The following FAM210A variants were observed in gnomAD, a reference collection of about 807,000 sequenced individuals.
FAM210A encodes family with sequence similarity 210 member A.
A neutral mutation model predicts 25.3 loss-of-function variants in FAM210A; 13 were observed. The observed-to-expected ratio is 0.51, with a 90% CI of 0.33 to 0.82. FAM210A has a LOEUF of 0.82. FAM210A is among the 40% of genes least tolerant of loss of function. The pLI is 0.02. For missense variants in FAM210A, 319 were observed against 323.2 expected, an observed-to-expected ratio of 0.99 and a Z score of 0.10; for synonymous variants, 125 against 118.7, an observed-to-expected ratio of 1.05 and a Z score of -0.35.
rs1420169459 is a variant in FAM210A, at chr18:13,664,400, A to G, written c.*2080T>C. 8 of 152,274 alleles carry G rather than the reference A, an allele frequency of 5.3e-5. No homozygotes were observed. The highest frequency in any genetic ancestry group is 1.3e-4 in the Admixed American group (2 of 15,290). The allele number at this position is 152,274 out of a possible 1,614,324, so 9.4% of individuals were successfully genotyped here. On this transcript the variant is annotated 3_prime_UTR_variant, in exon 4 of 4. Transcript: ENST00000651643. ...GGAAATTGTTTTAGAAAAATTCCAT[A>G]TAACACAAGATTTTCACATAGTCTC...
chr18:13,681,902 G>A lies in FAM210A; in HGVS notation c.176C>T (p.Ser59Phe). ...QGPQKQWLHLSAAQCVAKERR... is the reference protein window; with the variant it reads ...QGPQKQWLHLFAAQCVAKERR... The stretch of plus-strand genomic sequence containing the variant: ...TTCCTTTGCAACACACTGGGCAGCA[G>A]ATAAATGCAACCATTGTTTTTGAGG... Residue 59 changes from serine (S) to phenylalanine (F), a missense_variant, in exon 2 of 4, where the codon TCT (serine) becomes TTT (phenylalanine). Transcript: ENST00000651643. 1 of 1,614,180 alleles carries A rather than the reference G, an allele frequency of 6.2e-7. No homozygotes were observed. The highest frequency in any genetic ancestry group is 8.5e-7 in the Non-Finnish European group (1 of 1,180,044).
Position 13,665,988 on chromosome 18 carries a change from T to C in FAM210A, c.*492A>G, listed in dbSNP as rs1343563709. 1 of 156,082 alleles carries C rather than the reference T, an allele frequency of 6.4e-6. No individual in the cohort carries two copies. Among genetic ancestry groups the C allele is most frequent in the Admixed American group, 6.2e-5 (1 of 16,168 alleles). The allele number at this position is 156,082 out of a possible 1,614,324, so 9.7% of individuals were successfully genotyped here. A position where few individuals can be genotyped will look rare whatever the true frequency, so the allele number is the denominator to read the frequency against. Reference sequence around the variant, plus strand: ...AGGTAACTGCTCTATTCTGTTTTTATAGAAAGACTAAACACCTTATTTACA... The same window carrying C: ...AGGTAACTGCTCTATTCTGTTTTTACAGAAAGACTAAACACCTTATTTACA... On this transcript the variant is annotated 3_prime_UTR_variant, in exon 4 of 4. Transcript: ENST00000651643.
intron 3 of FAM210A, chr18:13,670,864 C>T: frequency 6.6e-6 from 1 of 152,594 alleles, no homozygotes; most frequent in East Asian, 1.9e-4. Context: ...GGCATGGTGG[C>T]ACATGCCTGT....
chr18:13,681,525 CT>C (rs1290013114), intron 2 of FAM210A, 79 bp downstream of exon 2: 2 of 1,137,330 alleles, frequency 1.8e-6, no homozygotes, highest in African/African-American at 3.2e-5. Context: ...ATTTAAAAAT[CT>C]AAAGCTATCA....
intron 1 of FAM210A, among the ~76,000 whole-genome samples, chr18:13,707,232 G>A (rs1289974557): frequency 6.6e-6 from 1 of 152,210 alleles, no homozygotes; most frequent in African/African-American, 2.4e-5. Context: ...TCACCTAAGT[G>A]AGAACCAGAA....
chr18:13,718,757 T>C (rs906021277), intron 1 of FAM210A, among the ~76,000 whole-genome samples: 3 of 152,222 alleles, frequency 2.0e-5, no homozygotes, highest in African/African-American at 7.2e-5. Context: ...AGGACTATGT[T>C]TGTTAAACCA....
intron 1 of FAM210A, among the ~76,000 whole-genome samples, chr18:13,723,639 A>C (rs1300899340): frequency 6.6e-6 from 1 of 152,234 alleles, no homozygotes; most frequent in Non-Finnish European, 1.5e-5. Context: ...CCTTTAGTTT[A>C]GGTCAACTGA....
At chr18:13,683,604 T>C (rs1306253375) in intron 1 of FAM210A, among the ~76,000 whole-genome samples, 2 of 148,324 alleles carry the variant, frequency 1.3e-5, no homozygotes, top group Admixed American at 6.8e-5. Context: ...GACTTCCAGA[T>C]AATTACTTAG....
At chr18:13,722,523 C>A (rs1205899490) in intron 1 of FAM210A, among the ~76,000 whole-genome samples, 3 of 152,072 alleles carry the variant, frequency 2.0e-5, no homozygotes, top group Admixed American at 6.5e-5. Flanking sequence ...CTTCTACTGG[C>A]AAAAAAGAGT....
chr18:13,689,973 G>T (rs2043629251), intron 1 of FAM210A, among the ~76,000 whole-genome samples: 1 of 152,204 alleles, frequency 6.6e-6, no homozygotes, highest in South Asian at 2.1e-4. Flanking sequence ...CCTCACCTGG[G>T]AAGTGCAATG....
In FAM210A at chr18:13,684,897, A is replaced by G. The variant is rs1225518685; in HGVS notation, c.-28-2792T>C. On this transcript the variant is annotated intron_variant, in intron 1 of 3. Coordinates refer to ENST00000651643, the MANE Select transcript of FAM210A (RefSeq NM_152352.4). Reference sequence around the variant, plus strand: ...AGAGATACTAGAAACCATTAACATAAAGATAGCCGGGAACTCCCCCCACTC... The same window carrying G: ...AGAGATACTAGAAACCATTAACATAGAGATAGCCGGGAACTCCCCCCACTC... Among the ~76,000 whole-genome samples the G allele has an allele frequency of 2.0e-5, 3 of 152,210 alleles. No individual in the cohort carries two copies. In the South Asian group the frequency reaches 6.2e-4, roughly 32 times the overall value.
chr18:13,691,482 A>C (rs1453491616), intron 1 of FAM210A, among the ~76,000 whole-genome samples: 1 of 152,188 alleles, frequency 6.6e-6, no homozygotes, highest in Non-Finnish European at 1.5e-5. Flanking sequence ...AAATGAAGGA[A>C]AAAACGTTAA....
intron 1 of FAM210A, among the ~76,000 whole-genome samples, chr18:13,719,492 C>A (rs2043883655): frequency 1.3e-5 from 2 of 152,156 alleles, no homozygotes; most frequent in Admixed American, 6.5e-5. Context: ...AATCTAACCA[C>A]CCACCTCCAC....
chr18:13,678,265 C>G (rs2043521158), intron 2 of FAM210A, among the ~76,000 whole-genome samples: 1 of 152,080 alleles, frequency 6.6e-6, no homozygotes, highest in Non-Finnish European at 1.5e-5. Flanking sequence ...GATAAAGAAG[C>G]AAGCATCTAG....
chr18:13,681,705 G>A lies in FAM210A; in HGVS notation c.373C>T (p.Arg125Ter), dbSNP rs1165206855. The A allele has an allele frequency of 6.8e-6, 11 of 1,614,144 alleles. No individual in the cohort carries two copies. Among genetic ancestry groups the A allele is most frequent in the Non-Finnish European group, 7.6e-6 (9 of 1,180,032 alleles). The change falls in exon 2 of 4, where the codon CGA (arginine) becomes TGA (stop). Residue 125 changes from arginine to a stop codon, truncating the protein, a stop_gained. Transcript: ENST00000651643. LOFTEE classifies it high-confidence loss of function. Reference sequence around the variant, plus strand: ...TACTGTCTAAATGTCTTCTTGAATCGTTGATAAAGACTAATAGATTTGTCT... The same window carrying A: ...TACTGTCTAAATGTCTTCTTGAATCATTGATAAAGACTAATAGATTTGTCT... ...LQDKSISLYQ[R>*]FKKTFRQYGK...
intron 1 of FAM210A, among the ~76,000 whole-genome samples, chr18:13,717,574 T>C (rs1230785481): frequency 1.3e-5 from 2 of 152,028 alleles, no homozygotes; most frequent in Non-Finnish European, 2.9e-5. Flanking sequence ...AAAGGAAAAA[T>C]ACAGAATGTT....
At chr18:13,695,077 A>T (rs1166193442) in intron 1 of FAM210A, among the ~76,000 whole-genome samples, 3 of 152,274 alleles carry the variant, frequency 2.0e-5, no homozygotes, top group Admixed American at 2.0e-4. Flanking sequence ...ACTTCTAAAA[A>T]GAAGACATTT....
intron 1 of FAM210A, among the ~76,000 whole-genome samples, chr18:13,694,398 C>T (rs558758664): frequency 2.4e-4 from 37 of 152,276 alleles, no homozygotes; most frequent in Admixed American, 7.8e-4. Flanking sequence ...AAAAAGAGTC[C>T]GCATTGCTAA....
At chr18:13,725,826 T>C (rs3809897) in intron 1 of FAM210A, among the ~76,000 whole-genome samples, 49,493 of 152,012 alleles carry the variant, frequency 0.33, 9,943 homozygotes, top group East Asian at 0.83. Flanking sequence ...CAACGCAGAC[T>C]AATGCATCCT....
Sources: gnomAD v4.1 joint callset for allele counts (sites outside exome capture counted in the v4.1 genomes callset) on GRCh38, gnomAD v4.1.1 for gene constraint, MANE v1.5 for transcripts, NCBI Gene and HGNC (gene_info 2026-07-23, HGNC 2026-07-21) for gene names.